The following RAP1GDS1 variants were observed in gnomAD, a reference collection of about 807,000 sequenced individuals.
The protein encoded by RAP1GDS1 is RAP1, GTP-GDP dissociation stimulator 1.
Under a neutral mutation model 71.1 loss-of-function variants are expected in RAP1GDS1, and 35 were observed. The observed-to-expected ratio is 0.49, with a 90% confidence interval of 0.38 to 0.65. The LOEUF is 0.65. Ranked by LOEUF, RAP1GDS1 falls within the 30% of genes least tolerant of loss-of-function variation. The probability of loss-of-function intolerance (pLI) is 0.00; values close to 1 mark genes in which losing one functional copy is unlikely to be tolerated. For missense variants in RAP1GDS1, 663 were observed against 706.1 expected (o/e 0.94, Z 0.69); for synonymous variants, 229 against 243.1 (o/e 0.94, Z 0.54).
intron 4 of RAP1GDS1, among the ~76,000 whole-genome samples, chr4:98,375,984 C>A (rs573165035): frequency 6.6e-6 from 1 of 151,844 alleles, no homozygotes; most frequent in South Asian, 2.1e-4. Flanking sequence ...GACATGATAA[C>A]CATGACACAA....
intron 2 of RAP1GDS1, among the ~76,000 whole-genome samples, chr4:98,341,044 A>T (rs1349851421): frequency 1.3e-5 from 2 of 152,178 alleles, no homozygotes; most frequent in African/African-American, 4.8e-5. Context: ...AAAATAAAAA[A>T]ATACACTTTG....
chr4:98,390,422 A>G (rs545012665), intron 5 of RAP1GDS1, among the ~76,000 whole-genome samples: 13 of 152,234 alleles, frequency 8.5e-5, no homozygotes, highest in Non-Finnish European at 1.9e-4. Context: ...AAATTGTTTT[A>G]TTAGAGTATT....
chr4:98,421,662 A>G (rs745751570), intron 12 of RAP1GDS1, among the ~76,000 whole-genome samples: 11 of 152,172 alleles, frequency 7.2e-5, no homozygotes, highest in Non-Finnish European at 1.3e-4. Context: ...TGTGCCAGGC[A>G]TTGACCATGC....
chr4:98,391,166 A>G (rs969396818), intron 5 of RAP1GDS1, among the ~76,000 whole-genome samples: 4 of 152,020 alleles, frequency 2.6e-5, no homozygotes, highest in Non-Finnish European at 5.9e-5. Context: ...CAGGTATTCT[A>G]TTATTATTGT....
chr4:98,384,279 A>C (rs542974008), intron 5 of RAP1GDS1, among the ~76,000 whole-genome samples: 4 of 151,726 alleles, frequency 2.6e-5, no homozygotes, highest in African/African-American at 9.6e-5. Flanking sequence ...GAGTTAAATG[A>C]AGTGTGTTGA....
intron 12 of RAP1GDS1, among the ~76,000 whole-genome samples, chr4:98,423,994 C>A (rs541835385): frequency 6.6e-6 from 1 of 152,186 alleles, no homozygotes; most frequent in East Asian, 1.9e-4. Context: ...ATTTTTGAAA[C>A]AAATTTCATA....
At chr4:98,331,144 A>G (rs891995182) in intron 2 of RAP1GDS1, among the ~76,000 whole-genome samples, 4 of 152,170 alleles carry the variant, frequency 2.6e-5, no homozygotes, top group African/African-American at 9.7e-5. Context: ...AAAAATACAA[A>G]AACCAGTCAG....
chr4:98,397,568 G>A (rs1198771392), intron 6 of RAP1GDS1, among the ~76,000 whole-genome samples: 1 of 152,090 alleles, frequency 6.6e-6, no homozygotes, highest in African/African-American at 2.4e-5. Flanking sequence ...AATATTTTGG[G>A]ACCTGGGAAG....
chr4:98,438,590 C>CTTTTT (rs1185496995), intron 14 of RAP1GDS1, among the ~76,000 whole-genome samples: 61 of 62,554 alleles, frequency 9.8e-4, no homozygotes, highest in African/African-American at 2.4e-3. Flanking sequence ...ATATATATAT[C>CTTTTT]TTTTTTTTTT....
rs1427680277 is a variant in RAP1GDS1, at chr4:98,352,444, G to C, written c.236-32G>C. The C allele has an allele frequency of 2.5e-6, 4 of 1,604,926 alleles. No homozygotes were observed. The South Asian group carries it at 4.4e-5, about 18-fold the overall frequency. ...GATTTATGTAAATTGTGAATCGTTA[G>C]ATTTTTAATTAAACATGTCTCTTAT... On this transcript the variant is annotated intron_variant, in intron 3 of 14. Transcript: ENST00000408927.
chr4:98,286,348 T>C (rs1726011479), intron 1 of RAP1GDS1, among the ~76,000 whole-genome samples: 1 of 151,942 alleles, frequency 6.6e-6, no homozygotes, highest in Non-Finnish European at 1.5e-5. Flanking sequence ...ATGTATGTGA[T>C]TAGGCTCTCT....
chr4:98,426,223 C>T lies in RAP1GDS1; in HGVS notation c.1440+4829C>T, dbSNP rs892554870. On this transcript the variant is annotated intron_variant, in intron 12 of 14. Transcript: ENST00000408927. ...CAATACCTCTGGGATACAACAAAGG[C>T]GTTGCTAAGAGGAAAGTTTATAGCC... is the stretch of plus-strand genomic sequence containing the variant. Among the ~76,000 whole-genome samples, 9 of 151,964 alleles carry T rather than the reference C, an allele frequency of 5.9e-5. No individual in the cohort carries two copies. In the South Asian group the frequency reaches 1.0e-3, roughly 18 times the overall value.
chr4:98,262,083 T>C (rs1178204215), intron 1 of RAP1GDS1, among the ~76,000 whole-genome samples: 1 of 152,190 alleles, frequency 6.6e-6, no homozygotes, highest in Non-Finnish European at 1.5e-5. Context: ...GAGGGAGATC[T>C]TACAACCTGC....
intron 2 of RAP1GDS1, among the ~76,000 whole-genome samples, chr4:98,341,561 T>C (rs1431616269): frequency 6.6e-6 from 1 of 152,232 alleles, no homozygotes; most frequent in Non-Finnish European, 1.5e-5. Flanking sequence ...TGCCAGACTC[T>C]TGCTGTCATC....
intron 7 of RAP1GDS1, among the ~76,000 whole-genome samples, chr4:98,405,786 C>G (rs549217976): frequency 6.6e-6 from 1 of 151,504 alleles, no homozygotes; most frequent in Admixed American, 6.6e-5. Context: ...TGTGGTTTGT[C>G]AGAAGGAAAA....
chr4:98,323,352 A>G (rs1253911581), intron 2 of RAP1GDS1, among the ~76,000 whole-genome samples: 1 of 140,772 alleles, frequency 7.1e-6, no homozygotes, highest in African/African-American at 2.9e-5. Context: ...TACAAGGAGG[A>G]ACTGGTACCA....
At chr4:98,375,107 A>G (rs1740973144) in intron 4 of RAP1GDS1, among the ~76,000 whole-genome samples, 1 of 152,144 alleles carries the variant, frequency 6.6e-6, no homozygotes, top group African/African-American at 2.4e-5. Flanking sequence ...AGAGATTTTT[A>G]AGTCTGAAAT....
At chr4:98,286,745 G>A (rs1726089491) in intron 1 of RAP1GDS1, among the ~76,000 whole-genome samples, 1 of 151,982 alleles carries the variant, frequency 6.6e-6, no homozygotes, top group Middle Eastern at 3.4e-3. Flanking sequence ...AATTAGCTGG[G>A]CGTGGTGGCA....
intron 2 of RAP1GDS1, among the ~76,000 whole-genome samples, chr4:98,308,704 T>C (rs1043718504): frequency 5.9e-5 from 9 of 152,070 alleles, no homozygotes; most frequent in African/African-American, 2.2e-4. Context: ...ACTAGTGAAG[T>C]TCAGTATAAT....
Sources: gnomAD v4.1 joint callset for allele counts (sites outside exome capture counted in the v4.1 genomes callset) on GRCh38, gnomAD v4.1.1 for gene constraint, MANE v1.5 for transcripts, NCBI Gene and HGNC (gene_info 2026-07-23, HGNC 2026-07-21) for gene names.